Variants in PPP1R12A observed in about 807,000 individuals in gnomAD.
The protein encoded by PPP1R12A is protein phosphatase 1 regulatory subunit 12A.
In PPP1R12A, 19 loss-of-function variants were observed where a neutral mutation model predicts 139.6. That is an observed-to-expected ratio of 0.14 (90% confidence interval 0.09 to 0.20). PPP1R12A has a LOEUF of 0.20. Ranked by LOEUF, PPP1R12A falls within the 10% of genes least tolerant of loss-of-function variation. The pLI is 1.00. For missense variants in PPP1R12A, 925 were observed against 1,211.5 expected (o/e 0.76, Z 3.51); for synonymous variants, 427 against 420.6 (o/e 1.02, Z -0.19).
At chr12:79,854,435 C>T (rs1880392597) in intron 2 of PPP1R12A, among the ~76,000 whole-genome samples, 1 of 152,154 alleles carries the variant, frequency 6.6e-6, no homozygotes, top group East Asian at 1.9e-4. Context: ...TAATATTCTA[C>T]TACACTGTCT....
upstream of PPP1R12A, chr12:79,935,174 C>G: frequency 7.5e-7 from 1 of 1,335,092 alleles, no homozygotes. Context: ...CCACCCGTCA[C>G]CGGCGGCCAA....
intron 1 of PPP1R12A, among the ~76,000 whole-genome samples, chr12:79,930,040 AT>A (rs1309470310): frequency 1.3e-5 from 2 of 152,238 alleles, no homozygotes; most frequent in African/African-American, 4.8e-5. Flanking sequence ...ATTGTGGAAG[AT>A]TAGGTCCTCA....
intron 14 of PPP1R12A, 82 bp from the exon 15 acceptor site, chr12:79,798,666 C>T: frequency 1.4e-6 from 1 of 708,204 alleles, no homozygotes; most frequent in South Asian, 3.0e-5. Flanking sequence ...ATGAATAAAA[C>T]ATACAGGTTT....
chr12:79,902,152 T>C (rs1279417182), intron 1 of PPP1R12A, among the ~76,000 whole-genome samples: 1 of 152,170 alleles, frequency 6.6e-6, no homozygotes, highest in Non-Finnish European at 1.5e-5. Flanking sequence ...GTCAACTACT[T>C]CATATATCTC....
At chr12:79,779,115 T>C (rs548533021) in intron 23 of PPP1R12A, 166 of 345,062 alleles carry the variant, frequency 4.8e-4, no homozygotes, top group Non-Finnish European at 8.8e-4. Context: ...GTTGACATTA[T>C]GTGTAGCATT....
chr12:79,935,319 G>T (rs972694613), upstream of PPP1R12A: 12 of 1,041,130 alleles, frequency 1.2e-5, no homozygotes, highest in South Asian at 4.4e-4. Flanking sequence ...AGAGGGAAGC[G>T]GGTGTGGCCC....
chr12:79,806,397 T>C (rs1440306605), intron 12 of PPP1R12A, 64 bp from the exon 13 acceptor site: 8 of 1,381,656 alleles, frequency 5.8e-6, no homozygotes, highest in South Asian at 1.5e-5. Context: ...TTAATGTCTA[T>C]ACATTATATA....
At chr12:79,815,000 C>T (rs1302885567) in intron 9 of PPP1R12A, among the ~76,000 whole-genome samples, 1 of 151,946 alleles carries the variant, frequency 6.6e-6, no homozygotes, top group Non-Finnish European at 1.5e-5. Flanking sequence ...ATTATATTAG[C>T]TTAATTACAG....
chr12:79,812,382 C>CGTGTGTG lies in PPP1R12A; in HGVS notation c.1240-2373_1240-2372insCACACAC, dbSNP rs1874662125. On this transcript the variant is annotated intron_variant, in intron 9 of 24. Transcript: ENST00000450142. ...TGACCATTCCTTTTCTTGACTGACT[C>CGTGTGTG]TGTGTGTGCGTGTGTGTGTGTGTGT... Among the ~76,000 whole-genome samples, 3 of 112,952 alleles carry CGTGTGTG rather than the reference C, an allele frequency of 2.7e-5. No individual in the cohort carries two copies. In the South Asian group the frequency reaches 9.0e-4, roughly 34 times the overall value. 74.1% of individuals were successfully genotyped at this position (112,952 alleles called of 152,430 possible). A position where few individuals can be genotyped will look rare whatever the true frequency, so the allele number is the denominator to read the frequency against.
At chr12:79,897,513 A>T (rs552038009) in intron 1 of PPP1R12A, among the ~76,000 whole-genome samples, 11 of 152,240 alleles carry the variant, frequency 7.2e-5, no homozygotes, top group African/African-American at 2.4e-4. Context: ...GTACCCTCTA[A>T]ATCTAAAATA....
At chr12:79,868,013 A>G (rs1470302332) in intron 2 of PPP1R12A, among the ~76,000 whole-genome samples, 2 of 152,216 alleles carry the variant, frequency 1.3e-5, no homozygotes, top group African/African-American at 4.8e-5. Context: ...ACAGCGTGAG[A>G]ATGGACTAAT....
chr12:79,814,581 C>T (rs144145911), intron 9 of PPP1R12A, among the ~76,000 whole-genome samples: 92 of 149,112 alleles, frequency 6.2e-4, no homozygotes, highest in African/African-American at 1.9e-3. Context: ...TTTGCAAGGC[C>T]GAGACGGGTG....
intron 2 of PPP1R12A, among the ~76,000 whole-genome samples, chr12:79,864,074 A>T (rs1426744405): frequency 6.6e-6 from 1 of 152,210 alleles, no homozygotes; most frequent in African/African-American, 2.4e-5. Flanking sequence ...TCTAAAACTG[A>T]CCACATAATT....
rs1592861190 is a variant in PPP1R12A, at chr12:79,934,765, A to G, written c.167T>C (p.Val56Ala). Reference protein sequence around the residue: ...AACSSGDTDEVLKLLHRGADI... With the variant: ...AACSSGDTDEALKLLHRGADI... ...GGCGCCGCGGTGCAGCAGCTTGAGG[A>G]CCTCGTCCGTGTCGCCGCTGGAGCA... Residue 56 changes from valine to alanine, a missense_variant, in exon 1 of 25, where the codon GTC becomes GCC. Val to Ala is a moderately conservative substitution (Grantham distance 64). Transcript: ENST00000450142. 6.4e-7 allele frequency: 1 copy of G among 1,552,194 alleles called. No homozygotes were observed. Among genetic ancestry groups the G allele is most frequent in the Non-Finnish European group, 8.7e-7 (1 of 1,147,512 alleles).
At chr12:79,844,890 G>A (rs973291561) in intron 3 of PPP1R12A, among the ~76,000 whole-genome samples, 1 of 152,120 alleles carries the variant, frequency 6.6e-6, no homozygotes, top group Admixed American at 6.5e-5. Flanking sequence ...TGTCTGGAAT[G>A]CTCTTTCCCC....
intron 2 of PPP1R12A, among the ~76,000 whole-genome samples, chr12:79,857,688 T>C (rs1880840707): frequency 1.3e-5 from 2 of 152,164 alleles, no homozygotes; most frequent in Admixed American, 1.3e-4. Flanking sequence ...CAGAGTTCCT[T>C]ATATACTGGT....
intron 22 of PPP1R12A, chr12:79,782,454 G>T: frequency 2.6e-6 from 1 of 378,618 alleles, no homozygotes; most frequent in Non-Finnish European, 5.2e-6. Context: ...CTGCTGGTGA[G>T]CTCAGGCCTT....
At chr12:79,796,694 C>T in intron 17 of PPP1R12A, 88 bp downstream of exon 17, 1 of 1,089,078 alleles carries the variant, frequency 9.2e-7, no homozygotes, top group Non-Finnish European at 1.3e-6. Context: ...GGATGCTGTT[C>T]CTTTACTGTT....
chr12:79,863,938 A>C (rs1022491514), intron 2 of PPP1R12A, among the ~76,000 whole-genome samples: 2 of 152,220 alleles, frequency 1.3e-5, no homozygotes, highest in African/African-American at 2.4e-5. Flanking sequence ...AACGAGACAG[A>C]AAATTAACAA....
Sources: allele counts gnomAD v4.1 joint callset (sites outside exome capture counted in the v4.1 genomes callset), GRCh38; gene constraint gnomAD v4.1.1; transcripts MANE v1.5; gene names NCBI Gene and HGNC (gene_info 2026-07-23, HGNC 2026-07-21).